ANO3: variants seen among roughly 807,000 people sequenced by gnomAD.
ANO3 encodes the protein anoctamin 3, also known as anoctamin-3.
A neutral mutation model predicts 144.8 loss-of-function variants in ANO3; 99 were observed. The ratio of observed to expected loss-of-function variants is 0.68; its 90% confidence interval spans 0.58 to 0.81. The LOEUF (loss-of-function observed/expected upper bound fraction) is 0.81. Among genes scored for constraint, ANO3 ranks in the 30% least tolerant of loss-of-function variants. The pLI, the probability that ANO3 is intolerant of heterozygous loss-of-function variation, is 0.00. For synonymous variants in ANO3, 414 were observed against 392.6 expected (o/e 1.05, Z -0.64); for missense variants, 905 against 1,202.2 (o/e 0.75, Z 3.66).
In ANO3 at chr11:26,599,554, C is replaced by T; in HGVS notation, c.1676C>T (p.Ser559Phe). 1 of 1,611,604 alleles carries T rather than the reference C, an allele frequency of 6.2e-7. No homozygotes were observed. Among genetic ancestry groups the T allele is most frequent in the African/African-American group, 1.3e-5 (1 of 74,908 alleles). Residue 559 changes from serine to phenylalanine, a missense_variant, in exon 17 of 27, where the codon TCC becomes TTC. By Grantham distance (155) the Ser-to-Phe change is radical. Around this residue, in one of 4 missense-constraint regions of ANO3, gnomAD observed 597 missense variants for 865.1 expected, o/e 0.69. Coordinates refer to ENST00000256737, the MANE Select transcript of ANO3 (RefSeq NM_031418.4). Reference protein sequence around the residue: ...VSVSGIFFMISLVITAVFGVV... With the variant: ...VSVSGIFFMIFLVITAVFGVV... ...TTCTGGTGTCCAATATTGTAGATAT[C>T]CTTGGTGATCACTGCAGTGTTTGGA...
intron 7 of ANO3, among the ~76,000 whole-genome samples, chr11:26,527,674 A>C (rs1395651677): frequency 2.0e-5 from 3 of 152,178 alleles, no homozygotes; most frequent in African/African-American, 7.2e-5. Context: ...TAGGGGATAA[A>C]TAATGTACAG....
rs914653996 is a variant in ANO3, at chr11:26,273,233, T to G, written c.155-36412T>G. Among the ~76,000 whole-genome samples the G allele has an allele frequency of 8.7e-4, 128 of 146,388 alleles. 1 individual carries two copies. Among genetic ancestry groups the G allele is most frequent in the East Asian group, 6.0e-4 (3 of 5,022 alleles). ...AAGGGATTGCCTTTTAAAGTTTTTTTTTTTTTTTTTTTATATTGGACAATG... is the reference window on the plus strand; with the variant it reads ...AAGGGATTGCCTTTTAAAGTTTTTTGTTTTTTTTTTTTATATTGGACAATG... On this transcript the variant is annotated intron_variant, in intron 1 of 27. Transcript: ENST00000672621.
chr11:26,400,705 T>G (rs1317077919), intron 1 of ANO3, among the ~76,000 whole-genome samples: 1 of 151,622 alleles, frequency 6.6e-6, no homozygotes, highest in Non-Finnish European at 1.5e-5. Context: ...TTACAACATA[T>G]GCATACATAT....
chr11:26,198,140 G>A (rs1851625364), intron 1 of ANO3, among the ~76,000 whole-genome samples: 1 of 152,064 alleles, frequency 6.6e-6, no homozygotes, highest in African/African-American at 2.4e-5. Flanking sequence ...GAGGACTAGG[G>A]GATTGAGGAT....
intron 1 of ANO3, among the ~76,000 whole-genome samples, chr11:26,194,064 C>T (rs545264619): frequency 9.2e-5 from 14 of 152,246 alleles, no homozygotes; most frequent in Non-Finnish European, 1.5e-4. Context: ...ATGTCAAAAA[C>T]CATTTAGCAC....
intron 1 of ANO3, among the ~76,000 whole-genome samples, chr11:26,351,883 G>A (rs1855654537): frequency 6.6e-6 from 1 of 152,132 alleles, no homozygotes; most frequent in South Asian, 2.1e-4. Flanking sequence ...AATATCCCTT[G>A]ATTGAAAATG....
In ANO3 at chr11:26,363,435, ACGTGC is replaced by A. The variant is rs574786954; in HGVS notation, c.46+31115_46+31119del. Reference sequence around the variant, plus strand: ...GTTTCTCTGGGGGCCTCTCTCCTTGACGTGCAGATGCCTCTTGTCTTGTCATGTCT... The same window carrying A: ...GTTTCTCTGGGGGCCTCTCTCCTTGAAGATGCCTCTTGTCTTGTCATGTCT... On this transcript the variant is annotated intron_variant, in intron 1 of 26. Coordinates refer to ENST00000256737, the MANE Select transcript of ANO3 (RefSeq NM_031418.4). Among the ~76,000 whole-genome samples the A allele has an allele frequency of 5.4e-3, 820 of 152,058 alleles. 4 individuals are homozygous for A. The highest frequency in any genetic ancestry group is 0.019 in the African/African-American group (795 of 41,476).
intron 1 of ANO3, among the ~76,000 whole-genome samples, chr11:26,292,893 G>A (rs543082901): frequency 9.9e-5 from 15 of 152,230 alleles, no homozygotes; most frequent in Admixed American, 3.9e-4. Context: ...AGGGACCCAC[G>A]AGGAGGCAGT....
exon 1 of ANO3, chr11:26,189,203 T>C (rs1235825390): frequency 2.0e-6 from 2 of 985,258 alleles, no homozygotes; most frequent in Admixed American, 6.2e-5. Context: ...TTGAACTGGA[T>C]AATTTTTCTC....
intron 1 of ANO3, among the ~76,000 whole-genome samples, chr11:26,318,579 T>C (rs752653541): frequency 5.3e-5 from 8 of 152,230 alleles, no homozygotes; most frequent in Non-Finnish European, 8.8e-5. Flanking sequence ...AATTCGTGGT[T>C]CTATATAATT....
intron 5 of ANO3, among the ~76,000 whole-genome samples, chr11:26,515,913 C>T (rs1861845856): frequency 6.6e-6 from 1 of 151,884 alleles, no homozygotes; most frequent in Non-Finnish European, 1.5e-5. Context: ...CTCTATGAAC[C>T]TCAGATATTG....
chr11:26,356,475 A>T (rs964300693), intron 1 of ANO3, among the ~76,000 whole-genome samples: 1 of 152,184 alleles, frequency 6.6e-6, no homozygotes, highest in African/African-American at 2.4e-5. Flanking sequence ...CATTTTCTAG[A>T]ATTTTACATA....
intron 3 of ANO3, among the ~76,000 whole-genome samples, chr11:26,457,334 G>A (rs1209293729): frequency 2.1e-5 from 3 of 145,306 alleles, no homozygotes; most frequent in African/African-American, 7.6e-5. Context: ...TTTTGACTCT[G>A]AAAAAAAAAA....
At chr11:26,454,246 T>C (rs1303036471) in intron 3 of ANO3, among the ~76,000 whole-genome samples, 2 of 151,834 alleles carry the variant, frequency 1.3e-5, no homozygotes. Context: ...CTGAAGGAAA[T>C]AGAGACACAA....
chr11:26,191,264 G>A (rs770279854), intron 1 of ANO3, among the ~76,000 whole-genome samples: 3 of 149,990 alleles, frequency 2.0e-5, no homozygotes, highest in African/African-American at 7.4e-5. Context: ...GGCAACAAGA[G>A]CAAAACTCCA....
intron 1 of ANO3, among the ~76,000 whole-genome samples, chr11:26,238,724 G>A (rs1397138454): frequency 6.6e-6 from 1 of 151,936 alleles, no homozygotes; most frequent in Non-Finnish European, 1.5e-5. Flanking sequence ...GAAGGTGATC[G>A]ATGTGTATGA....
chr11:26,520,307 A>C (rs1040184364), intron 6 of ANO3, among the ~76,000 whole-genome samples: 10 of 151,982 alleles, frequency 6.6e-5, no homozygotes, highest in Middle Eastern at 3.2e-3. Context: ...AACTATATTC[A>C]TTTTTTAATT....
At chr11:26,468,720 G>A (rs1332045734) in intron 4 of ANO3, among the ~76,000 whole-genome samples, 1 of 151,872 alleles carries the variant, frequency 6.6e-6, no homozygotes. Flanking sequence ...TCCTATTTTT[G>A]TCCAGATATT....
At chr11:26,378,819 T>C (rs1017293117) in intron 1 of ANO3, among the ~76,000 whole-genome samples, 1 of 152,124 alleles carries the variant, frequency 6.6e-6, no homozygotes, top group Non-Finnish European at 1.5e-5. Context: ...TAAGCTTTCC[T>C]GATTTTCTAT....
Sources: gnomAD v4.1 joint callset for allele counts (sites outside exome capture counted in the v4.1 genomes callset) on GRCh38, gnomAD v4.1.1 for gene constraint, gnomAD v4.1.1 regional missense constraint, MANE v1.5 for transcripts, NCBI Gene and HGNC (gene_info 2026-07-23, HGNC 2026-07-21) for gene names.